The following ROGDI variants were observed in gnomAD, a reference collection of about 807,000 sequenced individuals.
The protein encoded by ROGDI is protein rogdi homolog.
ROGDI carries 46 observed loss-of-function variants against 43.1 expected under a neutral mutation model. That is an observed-to-expected ratio of 1.07 (90% CI 0.84 to 1.37). The LOEUF (loss-of-function observed/expected upper bound fraction) is 1.37, where lower values mean the gene tolerates loss of function less well. ROGDI is among the 40% of genes most tolerant of loss of function. ROGDI has a pLI of 0.00. For synonymous variants in ROGDI, 243 were observed against 162.0 expected (o/e 1.50, Z -3.80); for missense variants, 518 against 383.9 (o/e 1.35, Z -2.92).
chr16:4,800,366 G>C, intron 5 of ROGDI, 132 bp downstream of exon 5: 1 of 730,658 alleles, frequency 1.4e-6, no homozygotes, highest in Non-Finnish European at 2.3e-6. Context: ...CAGCTTTGCT[G>C]TTAGGAAACA....
intron 6 of ROGDI, 102 bp from the exon 7 acceptor site, chr16:4,798,769 T>G: frequency 1.0e-6 from 1 of 985,876 alleles, no homozygotes; most frequent in South Asian, 1.4e-5. Flanking sequence ...CAGTGGCTAC[T>G]GTTCCCAGGT....
At position 4,800,871 on chromosome 16, in the gene ROGDI, T is replaced by A. The variant is rs568326961; in HGVS notation, c.256-293A>T. 22 of 529,346 alleles carry A rather than the reference T, an allele frequency of 4.2e-5. No homozygotes were observed. In the East Asian group the frequency reaches 7.2e-4, roughly 17 times the overall value. 32.8% of individuals were successfully genotyped at this position (529,346 alleles called of 1,614,324 possible). A position where few individuals can be genotyped will look rare whatever the true frequency, so the allele number is the denominator to read the frequency against. ...TGAGGCTCTGTGCGAACGGGGTGCATCTAGTGTCTACAAAGGGCAACAGAT... is the reference window on the plus strand; with the variant it reads ...TGAGGCTCTGTGCGAACGGGGTGCAACTAGTGTCTACAAAGGGCAACAGAT... On this transcript the variant is annotated intron_variant, in intron 4 of 10. Coordinates refer to ENST00000322048, the MANE Select transcript of ROGDI (RefSeq NM_024589.3).
At position 4,797,800 on chromosome 16, in the gene ROGDI, T is replaced by C; in HGVS notation, c.736A>G (p.Lys246Glu). 6.2e-7 allele frequency: 1 copy of C among 1,613,262 alleles called. No individual in the cohort carries two copies. The highest frequency in any genetic ancestry group is 2.2e-5 in the East Asian group (1 of 44,872). Residue 246 changes from lysine (K) to glutamate (E), a missense_variant, in exon 10 of 11, where the codon AAA becomes GAA. By Grantham distance (56) the Lys-to-Glu change is moderately conservative (BLOSUM62 1). Transcript: ENST00000322048. ...SQRLEVSHVH[K>E]VECVIPWLND... is the part of the protein sequence containing the mutation. ...AGCCAGGGGATCACGCACTCCACTT[T>C]GTGCACGTGGCTCACCTCCAGGCGC...
At position 4,798,186 on chromosome 16, in the gene ROGDI, T is replaced by C. The variant is rs786205119; in HGVS notation, c.532-2A>G. 4 of 1,612,334 alleles carry C rather than the reference T, an allele frequency of 2.5e-6. No homozygotes were observed. The highest frequency in any genetic ancestry group is 1.3e-5 in the African/African-American group (1 of 74,890). On this transcript the variant is annotated splice_acceptor_variant, in intron 7 of 10. Transcript: ENST00000322048. LOFTEE classifies it high-confidence loss of function. ...CGGCAGGGCAGGGGCGAACATCCGC[T>C]GCGGGAGGCAGGTGGGATGAGGCCC...
Position 4,800,534 on chromosome 16 carries a change from G to A in ROGDI, c.300C>T (p.Phe100=), listed in dbSNP as rs371657994. 16 of 1,564,726 alleles carry A rather than the reference G, an allele frequency of 1.0e-5. No homozygotes were observed. The highest frequency in any genetic ancestry group is 2.7e-5 in the African/African-American group (2 of 73,836). The change falls in exon 5 of 11, where the codon TTC becomes TTT. Residue 100 remains phenylalanine (F), a synonymous_variant. Transcript: ENST00000322048. ...TCCACTGCTTGTCCTCCCGGAAGGCGAAGTGCAGCAGCTGGTTGTTCCGGG... is the reference window on the plus strand; with the variant it reads ...TCCACTGCTTGTCCTCCCGGAAGGCAAAGTGCAGCAGCTGGTTGTTCCGGG... The part of the protein sequence containing the change: ...KMPRNNQLLH[F]AFREDKQWKL...
Position 4,799,728 on chromosome 16 carries a change from C to T in ROGDI, c.390G>A (p.Arg130=), listed in dbSNP as rs764727635. The T allele has an allele frequency of 6.2e-7, 1 of 1,613,750 alleles. No individual in the cohort carries two copies. Among genetic ancestry groups the T allele is most frequent in the Non-Finnish European group, 8.5e-7 (1 of 1,179,796 alleles). ...CCGTCTTGAACTGGTAGCTCTGGTC[C>T]CGGCTGGTAAGCAGGTAAATGGCTT... ...VSQAIYLLTS[R]DQSYQFKTGA... is the part of the protein sequence containing the mutation. Residue 130 remains arginine, a synonymous_variant, in exon 6 of 11, where the codon CGG becomes CGA. Transcript: ENST00000322048.
intron 4 of ROGDI, chr16:4,801,055 G>A: frequency 1.9e-6 from 1 of 527,236 alleles, no homozygotes; most frequent in Admixed American, 3.5e-5. Context: ...CAGGCCGTGT[G>A]CAAAGAACCC....
chr16:4,798,443 A>C, intron 7 of ROGDI, 126 bp downstream of exon 7: 1 of 834,304 alleles, frequency 1.2e-6, no homozygotes, highest in Non-Finnish European at 1.8e-6. Context: ...CCATCCCAGA[A>C]ACCTGCCTAG....
intron 2 of ROGDI, chr16:4,801,936 G>A: frequency 1.8e-6 from 1 of 570,232 alleles, no homozygotes; most frequent in Non-Finnish European, 3.3e-6. Flanking sequence ...GCCACAGCAA[G>A]CACTACGCCG....
In ROGDI at chr16:4,796,982, C is replaced by T. The variant is rs189197723; in HGVS notation, c.*478G>A. Reference sequence around the variant, plus strand: ...GGGGCTCCAGGTGGAGTCTGATGATCTTTATTTCTTAGACAGCCCTGGACT... The same window carrying T: ...GGGGCTCCAGGTGGAGTCTGATGATTTTTATTTCTTAGACAGCCCTGGACT... On this transcript the variant is annotated 3_prime_UTR_variant, in exon 11 of 11. Transcript: ENST00000322048. 46 of 156,482 alleles carry T rather than the reference C, an allele frequency of 2.9e-4. No homozygotes were observed. The highest frequency in any genetic ancestry group is 5.1e-4 in the Non-Finnish European group (36 of 70,544). The allele number at this position is 156,482 out of a possible 1,614,324, so 9.7% of individuals were successfully genotyped here. A position where few individuals can be genotyped will look rare whatever the true frequency, so the allele number is the denominator to read the frequency against.
intron 6 of ROGDI, 41 bp downstream of exon 6, chr16:4,799,645 C>A (rs200593071): frequency 2.0e-6 from 3 of 1,482,764 alleles, no homozygotes; most frequent in East Asian, 2.3e-5. Context: ...GGATCAAGAA[C>A]GTGGGACTAG....
rs1248210552 is a variant in ROGDI, at chr16:4,800,902, C to G, written c.256-324G>C. The G allele has an allele frequency of 8.0e-6, 4 of 501,334 alleles. No homozygotes were observed. The East Asian group carries it at 1.3e-4, about 17-fold the overall frequency. 31.1% of individuals were successfully genotyped at this position (501,334 alleles called of 1,614,324 possible). A position where few individuals can be genotyped will look rare whatever the true frequency, so the allele number is the denominator to read the frequency against. On this transcript the variant is annotated intron_variant, in intron 4 of 10. Coordinates refer to ENST00000322048, the MANE Select transcript of ROGDI (RefSeq NM_024589.3). Reference sequence around the variant, plus strand: ...GTCTACAAAGGGCAACAGATGGAGCCCAGGAGGGGGGCCTCCCCCCACGCC... The same window carrying G: ...GTCTACAAAGGGCAACAGATGGAGCGCAGGAGGGGGGCCTCCCCCCACGCC...
rs144866271 is a variant in ROGDI at position 4,798,091 on chromosome 16, G to C, written c.625C>G (p.Leu209Val). 4.1e-4 allele frequency: 667 copies of C among 1,613,842 alleles called. 5 individuals are homozygous for C. The African/African-American group carries it at 7.9e-3, about 19-fold the overall frequency. The change falls in exon 8 of 11, where the codon CTG becomes GTG. Residue 209 changes from leucine (L) to valine (V), a missense_variant. Transcript: ENST00000322048. ...LCLTVYQLHA[L>V]QPNSTKNFRP... ...CTCACCTTGGTGGAGTTGGGCTGCAGGGCATGCAGCTGGTACACCGTGAGG... is the reference window on the plus strand; with the variant it reads ...CTCACCTTGGTGGAGTTGGGCTGCACGGCATGCAGCTGGTACACCGTGAGG...
rs1373975311 is a variant in ROGDI, at chr16:4,802,366, G to C, written c.117+16C>G. ...GAGGGCCGCCACGCCCGGCGGGGCA[G>C]GGCGCGGGTCGTTACCTTGAGGATG... On this transcript the variant is annotated intron_variant, in intron 2 of 10. Coordinates refer to ENST00000322048, the MANE Select transcript of ROGDI (RefSeq NM_024589.3). 1 of 1,562,364 alleles carries C rather than the reference G, an allele frequency of 6.4e-7. No homozygotes were observed. The highest frequency in any genetic ancestry group is 8.6e-7 in the Non-Finnish European group (1 of 1,158,214).
At chr16:4,800,922 C>G (rs1480038941) in intron 4 of ROGDI, 7 of 502,206 alleles carry the variant, frequency 1.4e-5, no homozygotes, top group South Asian at 5.7e-5. Context: ...GGCCTCCCCC[C>G]ACGCCTTGGT....
chr16:4,802,095 C>G (rs1186898810), intron 2 of ROGDI: 9 of 637,286 alleles, frequency 1.4e-5, no homozygotes, highest in Non-Finnish European at 2.6e-5. Context: ...AGGCAGAATT[C>G]TTCGGCTCCC....
chr16:4,797,228 T>G lies in ROGDI; in HGVS notation c.*232A>C. The G allele has an allele frequency of 3.9e-6, 2 of 512,818 alleles. No homozygotes were observed. Among genetic ancestry groups the G allele is most frequent in the East Asian group, 6.6e-5 (2 of 30,332 alleles). 31.8% of individuals were successfully genotyped at this position (512,818 alleles called of 1,614,324 possible). A position where few individuals can be genotyped will look rare whatever the true frequency, so the allele number is the denominator to read the frequency against. On this transcript the variant is annotated 3_prime_UTR_variant, in exon 11 of 11. Transcript: ENST00000322048. The stretch of plus-strand genomic sequence containing the variant: ...TGATCAGAGGGCGGTGTTGGGAATG[T>G]GGGACACCCTTGGCCCCGCCTCCCT...
rs1168765040 is a variant in ROGDI at position 4,798,049 on chromosome 16, C to T, written c.645+22G>A. 4 of 1,613,294 alleles carry T rather than the reference C, an allele frequency of 2.5e-6. No homozygotes were observed. The East Asian group carries it at 6.7e-5, about 27-fold the overall frequency. ...GGGCGTGTGCATGGCGGGCAGTGGG[C>T]CGGGCAGGGGTCCCTCCTCACCTTG... On this transcript the variant is annotated intron_variant, in intron 8 of 10. Coordinates refer to ENST00000322048, the MANE Select transcript of ROGDI (RefSeq NM_024589.3).
chr16:4,798,282 A>C, intron 7 of ROGDI, 98 bp from the exon 8 acceptor site: 1 of 996,644 alleles, frequency 1.0e-6, no homozygotes, highest in Non-Finnish European at 1.5e-6. Context: ...AGGGGATCCC[A>C]GTCCCCACCC....
Sources: gnomAD v4.1 joint callset for allele counts on GRCh38, gnomAD v4.1.1 for gene constraint, MANE v1.5 for transcripts, NCBI Gene and HGNC (gene_info 2026-07-23, HGNC 2026-07-21) for gene names.